The following HHAT variants were observed in gnomAD, a reference collection of about 807,000 sequenced individuals.
HHAT encodes the protein hedgehog acyltransferase, also known as protein-cysteine N-palmitoyltransferase HHAT.
HHAT carries 47 observed loss-of-function variants against 70.8 expected under a neutral mutation model. That is an observed-to-expected ratio of 0.66 (90% confidence interval 0.53 to 0.85). HHAT has a LOEUF of 0.85. Ranked by LOEUF, HHAT falls within the 40% of genes least tolerant of loss-of-function variation. The pLI, the probability that HHAT is intolerant of heterozygous loss-of-function variation, is 0.00. For missense variants in HHAT, 609 were observed against 604.8 expected (o/e 1.01, Z -0.07); for synonymous variants, 228 against 247.6 (o/e 0.92, Z 0.74).
chr1:210,646,275 C>T (rs1674042036), intron 11 of HHAT, among the ~76,000 whole-genome samples: 1 of 152,146 alleles, frequency 6.6e-6, no homozygotes, highest in African/African-American at 2.4e-5. Context: ...TTAAAAACTC[C>T]TGAGAATAAA....
intron 7 of HHAT, among the ~76,000 whole-genome samples, chr1:210,442,249 A>T (rs1286162308): frequency 7.6e-6 from 1 of 131,736 alleles, no homozygotes; most frequent in Non-Finnish European, 1.6e-5. Context: ...CCAGTCTATC[A>T]TTGTTGGACA....
Position 210,421,212 on chromosome 1 carries a change from G to A in HHAT, c.856+2887G>A, listed in dbSNP as rs993546919. Among the ~76,000 whole-genome samples the A allele has an allele frequency of 2.7e-5, 4 of 150,762 alleles. No individual in the cohort carries two copies. In the Admixed American group the frequency reaches 2.7e-4, roughly 10 times the overall value. ...AGCAAAAAGAACAAAGCTGGAGTCA[G>A]AACACTGCCAGACCTCAAAATATAC... On this transcript the variant is annotated intron_variant, in intron 7 of 11. Transcript: ENST00000261458.
chr1:210,623,610 CT>C lies in HHAT; in HGVS notation c.1331del (p.Leu444ArgfsTer25). The C allele has an allele frequency of 4.3e-6, 7 of 1,614,042 alleles. No individual in the cohort carries two copies. Among genetic ancestry groups the C allele is most frequent in the Non-Finnish European group, 5.9e-6 (7 of 1,179,978 alleles). On this transcript the variant is annotated frameshift_variant, in exon 11 of 12. Transcript: ENST00000261458. LOFTEE classifies it high-confidence loss of function. ...CSTSMLILSNLVFLGGNEVGK... is the reference protein window; with the variant it reads ...CSTSMLILSNXVFLGGNEVGK... ...CACCTCGATGCTGATCCTGTCCAAC[CT>C]GGTATTTCTTGGGGGCAATGAGGTT... is the stretch of plus-strand genomic sequence containing the variant.
chr1:210,381,181 G>T (rs1314068239), intron 3 of HHAT, among the ~76,000 whole-genome samples: 2 of 151,890 alleles, frequency 1.3e-5, no homozygotes, highest in Non-Finnish European at 2.9e-5. Flanking sequence ...AAGCCTAATT[G>T]ATATGCTGTG....
chr1:210,470,471 T>G lies in HHAT; in HGVS notation c.1007+5816T>G, dbSNP rs80257960. On this transcript the variant is annotated intron_variant, in intron 8 of 11. Coordinates refer to ENST00000261458, the MANE Select transcript of HHAT (RefSeq NM_018194.6). ...AAAGATATTTTCTTTCTTGTAACATTCATATTTTAAAATCCCCTTTCCTTT... is the reference window on the plus strand; with the variant it reads ...AAAGATATTTTCTTTCTTGTAACATGCATATTTTAAAATCCCCTTTCCTTT... 2.1e-3 allele frequency among the ~76,000 whole-genome samples: 313 copies of G among 152,302 alleles called. 6 individuals are homozygous for G. In the East Asian group the frequency reaches 0.047, roughly 23 times the overall value.
At chr1:210,507,620 A>G (rs1280265071) in intron 8 of HHAT, among the ~76,000 whole-genome samples, 1 of 151,790 alleles carries the variant, frequency 6.6e-6, no homozygotes, top group Non-Finnish European at 1.5e-5. Flanking sequence ...TGGCCTCCCA[A>G]AGTGCTGGGA....
chr1:210,489,135 A>T (rs2094514944), intron 8 of HHAT, among the ~76,000 whole-genome samples: 1 of 152,236 alleles, frequency 6.6e-6, no homozygotes, highest in Non-Finnish European at 1.5e-5. Context: ...ACACAAAGTC[A>T]TTATTTTGAT....
chr1:210,556,475 C>T (rs1201726651), intron 9 of HHAT, among the ~76,000 whole-genome samples: 1 of 152,234 alleles, frequency 6.6e-6, no homozygotes, highest in African/African-American at 2.4e-5. Context: ...CCCTGCTGCT[C>T]ACCTGAACCC....
intron 11 of HHAT, among the ~76,000 whole-genome samples, chr1:210,636,330 G>A (rs534811989): frequency 2.2e-4 from 33 of 152,248 alleles, no homozygotes; most frequent in African/African-American, 7.7e-4. Flanking sequence ...GTGGGAACTA[G>A]GTTTACTTCT....
intron 9 of HHAT, among the ~76,000 whole-genome samples, chr1:210,587,153 C>G (rs1373456922): frequency 6.6e-6 from 1 of 152,168 alleles, no homozygotes. Context: ...TCCACACTTG[C>G]TGTATTAGTC....
chr1:210,412,842 G>A (rs949731414), intron 6 of HHAT, among the ~76,000 whole-genome samples: 2 of 152,218 alleles, frequency 1.3e-5, no homozygotes, highest in Admixed American at 1.3e-4. Flanking sequence ...GGGCCCCATG[G>A]CTCTCTAGGC....
chr1:210,420,009 ACT>A (rs1166000259), intron 7 of HHAT, among the ~76,000 whole-genome samples: 37 of 152,226 alleles, frequency 2.4e-4, no homozygotes, highest in African/African-American at 8.7e-4. Flanking sequence ...AAATTATGTG[ACT>A]CTGATGTCAC....
At chr1:210,565,380 C>T (rs926019860) in intron 9 of HHAT, among the ~76,000 whole-genome samples, 2 of 152,164 alleles carry the variant, frequency 1.3e-5, no homozygotes, top group African/African-American at 4.8e-5. Context: ...TCTGATCTGG[C>T]ATGTTCCTGT....
chr1:210,513,016 G>C lies in HHAT; in HGVS notation c.1008-137G>C, dbSNP rs1007467473. On this transcript the variant is annotated intron_variant, in intron 8 of 11. Coordinates refer to ENST00000261458, the MANE Select transcript of HHAT (RefSeq NM_018194.6). The stretch of plus-strand genomic sequence containing the variant: ...TCCCAGGAATGCTGCTGCTCCAGCA[G>C]CCACATCTTGAGAACTACTGTGGTA... 7.0e-6 allele frequency: 4 copies of C among 572,512 alleles called. No homozygotes were observed. In the African/African-American group the frequency reaches 8.0e-5, roughly 11 times the overall value. The allele number at this position is 572,512 out of a possible 1,614,324, so 35.5% of individuals were successfully genotyped here.
At chr1:210,463,774 G>A (rs2094033164) in intron 7 of HHAT, among the ~76,000 whole-genome samples, 1 of 152,222 alleles carries the variant, frequency 6.6e-6, no homozygotes, top group Non-Finnish European at 1.5e-5. Flanking sequence ...CTCAGCAGCT[G>A]TGCCTGGTGG....
Position 210,362,876 on chromosome 1 carries a change from A to G in HHAT, c.116A>G (p.Glu39Gly). 2 of 1,613,898 alleles carry G rather than the reference A, an allele frequency of 1.2e-6. No homozygotes were observed. Among genetic ancestry groups the G allele is most frequent in the Non-Finnish European group, 1.7e-6 (2 of 1,179,890 alleles). The change falls in exon 3 of 12, where the codon GAA becomes GGA. Residue 39 changes from glutamate (E) to glycine (G), a missense_variant. By Grantham distance (98) the Glu-to-Gly change is moderately conservative. Transcript: ENST00000261458. Reference sequence around the variant, plus strand: ...GAACACGAAGAGGAGCTGGACCAGGAATTTGAGCTGGAGACTGACACTTTA... The same window carrying G: ...GAACACGAAGAGGAGCTGGACCAGGGATTTGAGCTGGAGACTGACACTTTA... The part of the protein sequence containing the change: ...SREHEEELDQ[E>G]FELETDTLFG...
intron 1 of HHAT, among the ~76,000 whole-genome samples, chr1:210,345,359 TGTA>T (rs1256793731): frequency 6.6e-6 from 1 of 152,042 alleles, no homozygotes; most frequent in Non-Finnish European, 1.5e-5. Flanking sequence ...ACAAAAAAAA[TGTA>T]GTATGAAAGC....
chr1:210,346,057 C>A (rs2086491628), intron 1 of HHAT, among the ~76,000 whole-genome samples: 1 of 143,854 alleles, frequency 7.0e-6, no homozygotes, highest in African/African-American at 2.7e-5. Flanking sequence ...GAGCAAGACC[C>A]TGTCTCCAGG....
Position 210,410,523 on chromosome 1 carries a change from A to ATTTTTTTTTTTTTTTTTTTT in HHAT, c.684+5847_684+5866dup, listed in dbSNP as rs35608235. Among the ~76,000 whole-genome samples the ATTTTTTTTTTTTTTTTTTTT allele has an allele frequency of 8.9e-4, 104 of 116,428 alleles. 5 individuals are homozygous for ATTTTTTTTTTTTTTTTTTTT. The highest frequency in any genetic ancestry group is 3.7e-3 in the African/African-American group (101 of 27,634). The allele number at this position is 116,428 out of a possible 152,430, so 76.4% of individuals were successfully genotyped here. On this transcript the variant is annotated intron_variant, in intron 6 of 11. Transcript: ENST00000261458. ...CTTTTGCTGTGTTGTTTATTTGTAAATTTTTTTTTTTTTTTTTTTTTTAAG... is the reference window on the plus strand; with the variant it reads ...CTTTTGCTGTGTTGTTTATTTGTAAATTTTTTTTTTTTTTTTTTTTTTTTTTTTTTTTTTTTTTTTTTAAG...
Sources: allele counts gnomAD v4.1 joint callset (sites outside exome capture counted in the v4.1 genomes callset), GRCh38; gene constraint gnomAD v4.1.1; transcripts MANE v1.5; gene names NCBI Gene and HGNC (gene_info 2026-07-23, HGNC 2026-07-21).